TNRC6A: variants seen among roughly 807,000 people sequenced by gnomAD.
TNRC6A encodes the protein trinucleotide repeat-containing gene 6A protein.
A neutral mutation model predicts 221.2 loss-of-function variants in TNRC6A; 44 were observed. That is an observed-to-expected ratio of 0.20 (90% CI 0.16 to 0.26). The LOEUF (loss-of-function observed/expected upper bound fraction) is 0.26, where lower values mean the gene tolerates loss of function less well. TNRC6A is among the 10% of genes least tolerant of loss of function. The pLI is 1.00. For synonymous variants in TNRC6A, 847 were observed against 838.5 expected, an observed-to-expected ratio of 1.01 and a Z score of -0.18; for missense variants, 2,199 against 2,404.4, an observed-to-expected ratio of 0.91 and a Z score of 1.79.
intron 1 of TNRC6A, among the ~76,000 whole-genome samples, chr16:24,633,813 C>T (rs1410471831): frequency 1.3e-5 from 2 of 150,042 alleles, no homozygotes; most frequent in Admixed American, 6.6e-5. Context: ...GACGAAGTCT[C>T]GCTTTGATGC....
intron 2 of TNRC6A, among the ~76,000 whole-genome samples, chr16:24,742,658 A>C (rs1052922872): frequency 6.6e-6 from 1 of 152,222 alleles, no homozygotes; most frequent in Non-Finnish European, 1.5e-5. Flanking sequence ...GCAGTGGCTC[A>C]CGCCTGTAAT....
rs1436168167 is a variant in TNRC6A, at chr16:24,820,316, G to A, written c.5258G>A (p.Arg1753His). The change falls in exon 22 of 25, where the codon CGT becomes CAT. Residue 1753 changes from arginine (R) to histidine (H), a missense_variant. Physicochemically the swap from Arg to His is conservative, Grantham distance 29. Around this residue, in one of 8 missense-constraint regions of TNRC6A, gnomAD observed 449 missense variants for 579.7 expected, o/e 0.77. Coordinates refer to ENST00000395799, the MANE Select transcript of TNRC6A (RefSeq NM_014494.4). ...PLSTWDNSPL[R>H]IGGGWGNSDA... ...TCTACGTGGGATAATTCTCCCCTTC[G>A]TATAGGTGGAGGATGGGGAAATTCT... 6 of 1,614,074 alleles carry A rather than the reference G, an allele frequency of 3.7e-6. No individual in the cohort carries two copies. The highest frequency in any genetic ancestry group is 4.2e-6 in the Non-Finnish European group (5 of 1,180,046).
At chr16:24,623,439 A>G (rs1461571155) in intron 1 of TNRC6A, among the ~76,000 whole-genome samples, 5 of 152,010 alleles carry the variant, frequency 3.3e-5, no homozygotes, top group African/African-American at 1.2e-4. Flanking sequence ...ACCTTGTGAT[A>G]AGAATTTATT....
intron 2 of TNRC6A, among the ~76,000 whole-genome samples, chr16:24,713,890 C>T (rs1167474747): frequency 6.6e-6 from 1 of 152,226 alleles, no homozygotes. Context: ...AGGTGATCCA[C>T]CCGCCTCAGC....
At position 24,789,692 on chromosome 16, in the gene TNRC6A, T is replaced by C; in HGVS notation, c.1050T>C (p.Ser350=). The change falls in exon 6 of 25, where the codon TCT becomes TCC. Residue 350 remains serine (S), a synonymous_variant. Coordinates refer to ENST00000395799, the MANE Select transcript of TNRC6A (RefSeq NM_014494.4). ...TGAATGCTTGGGGCACTGTAAGTTCTTCATCAAATGGAGGGTTAAATCCAA... is the reference window on the plus strand; with the variant it reads ...TGAATGCTTGGGGCACTGTAAGTTCCTCATCAAATGGAGGGTTAAATCCAA... ...NRMNAWGTVS[S]SSNGGLNPST... 1 of 1,614,202 alleles carries C rather than the reference T, an allele frequency of 6.2e-7. No individual in the cohort carries two copies. The highest frequency in any genetic ancestry group is 8.5e-7 in the Non-Finnish European group (1 of 1,180,032).
intron 3 of TNRC6A, among the ~76,000 whole-genome samples, chr16:24,752,412 G>A (rs2057158274): frequency 6.6e-6 from 1 of 152,204 alleles, no homozygotes; most frequent in African/African-American, 2.4e-5. Context: ...TTAAGTATGA[G>A]ATGAGAGGAG....
At position 24,818,709 on chromosome 16, in the gene TNRC6A, C is replaced by T. The variant is rs771322136; in HGVS notation, c.5080+9C>T. 9 of 1,609,498 alleles carry T rather than the reference C, an allele frequency of 5.6e-6. No individual in the cohort carries two copies. The highest frequency in any genetic ancestry group is 1.7e-5 in the Admixed American group (1 of 59,986). On this transcript the variant is annotated intron_variant, in intron 21 of 24. Coordinates refer to ENST00000395799, the MANE Select transcript of TNRC6A (RefSeq NM_014494.4). ...AGCACAAAGCACTTCAGGTGGGCCT[C>T]GCCTTCGCTCAGGAAGGGAGGGTTG...
At chr16:24,641,025 C>T (rs543161142) in intron 2 of TNRC6A, 1 of 152,340 alleles carries the variant, frequency 6.6e-6, no homozygotes, top group South Asian at 2.1e-4. Flanking sequence ...ATCACTCACA[C>T]TGGGGGCCAT....
chr16:24,790,613 T>C lies in TNRC6A; in HGVS notation c.1971T>C (p.Asn657=). The C allele has an allele frequency of 6.2e-7, 1 of 1,614,104 alleles. No homozygotes were observed. Among genetic ancestry groups the C allele is most frequent in the Non-Finnish European group, 8.5e-7 (1 of 1,180,030 alleles). ...EDQGSATSQT[N]EQSSVWAKTG... is the part of the protein sequence containing the mutation. The stretch of plus-strand genomic sequence containing the variant: ...AGGGTTCTGCCACATCTCAGACAAA[T>C]GAGCAAAGCAGTGTGTGGGCCAAAA... Residue 657 remains asparagine, a synonymous_variant, in exon 6 of 25, where the codon AAT becomes AAC. Coordinates refer to ENST00000395799, the MANE Select transcript of TNRC6A (RefSeq NM_014494.4).
intron 2 of TNRC6A, among the ~76,000 whole-genome samples, chr16:24,716,864 G>A (rs12925127): frequency 0.36 from 54,471 of 150,498 alleles, 10,229 homozygotes; most frequent in African/African-American, 0.46. Flanking sequence ...AGGCTGAGGC[G>A]GGAGGATCAC....
chr16:24,686,892 G>T (rs2055638400), intron 2 of TNRC6A, among the ~76,000 whole-genome samples: 1 of 152,108 alleles, frequency 6.6e-6, no homozygotes, highest in South Asian at 2.1e-4. Flanking sequence ...TGGGAATAAC[G>T]ATGGCACCTA....
chr16:24,801,531 C>CTTT (rs1567498998), intron 11 of TNRC6A, among the ~76,000 whole-genome samples: 1 of 135,356 alleles, frequency 7.4e-6, no homozygotes, highest in Non-Finnish European at 1.6e-5. Flanking sequence ...ACATGCTACT[C>CTTT]TCTTTTTTTT....
intron 2 of TNRC6A, among the ~76,000 whole-genome samples, chr16:24,674,732 A>G (rs1316784991): frequency 6.9e-6 from 1 of 145,386 alleles, no homozygotes; most frequent in Non-Finnish European, 1.5e-5. Flanking sequence ...ACACACACAC[A>G]CACACATCTT....
At chr16:24,666,594 G>A (rs2141960134) in intron 2 of TNRC6A, among the ~76,000 whole-genome samples, 1 of 130,932 alleles carries the variant, frequency 7.6e-6, no homozygotes, top group South Asian at 2.6e-4. Flanking sequence ...TGAGCTATTG[G>A]CACTGCACTC....
intron 2 of TNRC6A, among the ~76,000 whole-genome samples, chr16:24,641,450 G>A (rs1367500883): frequency 6.6e-6 from 1 of 152,172 alleles, no homozygotes; most frequent in Non-Finnish European, 1.5e-5. Flanking sequence ...TGAAGAGGAA[G>A]AGCTGGTAGG....
At chr16:24,803,760 G>A (rs563985361) in intron 11 of TNRC6A, 123 of 162,250 alleles carry the variant, frequency 7.6e-4, no homozygotes, top group Non-Finnish European at 1.5e-3. Context: ...AAATAGTCAG[G>A]TGTAGTGGTA....
At chr16:24,629,917 G>A (rs914162110) in intron 1 of TNRC6A, among the ~76,000 whole-genome samples, 1 of 151,718 alleles carries the variant, frequency 6.6e-6, no homozygotes, top group Admixed American at 6.6e-5. Context: ...AGGCTGCAGT[G>A]AGCTATGATC....
chr16:24,811,929 T>C (rs1399232983), intron 18 of TNRC6A, among the ~76,000 whole-genome samples: 1 of 151,610 alleles, frequency 6.6e-6, no homozygotes, highest in East Asian at 1.9e-4. Context: ...AAATTAAAAT[T>C]GTCGTGTAAT....
At chr16:24,802,367 G>A (rs1475483327) in intron 11 of TNRC6A, among the ~76,000 whole-genome samples, 2 of 152,174 alleles carry the variant, frequency 1.3e-5, no homozygotes, top group African/African-American at 4.8e-5. Context: ...GGGCAACATG[G>A]TGAAGCCTTG....
Sources: gnomAD v4.1 joint callset for allele counts (sites outside exome capture counted in the v4.1 genomes callset) on GRCh38, gnomAD v4.1.1 for gene constraint, gnomAD v4.1.1 regional missense constraint, MANE v1.5 for transcripts, NCBI Gene and HGNC (gene_info 2026-07-23, HGNC 2026-07-21) for gene names.